Variants in CCDC180 observed in about 807,000 individuals in gnomAD.
The protein encoded by CCDC180 is coiled-coil domain containing 180.
CCDC180 carries 154 observed loss-of-function variants against 209.2 expected under a neutral mutation model. The ratio of observed to expected loss-of-function variants is 0.74; its 90% CI spans 0.65 to 0.84. The LOEUF (loss-of-function observed/expected upper bound fraction) is 0.84, where lower values mean the gene tolerates loss of function less well. Among genes scored for constraint, CCDC180 ranks in the 40% least tolerant of loss-of-function variants. CCDC180 has a pLI of 0.00. For missense variants in CCDC180, 1,874 were observed against 1,997.3 expected (o/e 0.94, Z 1.18); for synonymous variants, 778 against 749.1 (o/e 1.04, Z -0.63).
chr9:97,357,473 A>G (rs1403020972), intron 24 of CCDC180, among the ~76,000 whole-genome samples, 154 bp from the exon 25 acceptor site: 2 of 152,176 alleles, frequency 1.3e-5, no homozygotes, highest in Non-Finnish European at 2.9e-5. Context: ...AAATCTTTTT[A>G]ATTTGTATCA....
At position 97,376,944 on chromosome 9, in the gene CCDC180, G is replaced by C. The variant is rs1448738083; in HGVS notation, c.*50G>C. On this transcript the variant is annotated 3_prime_UTR_variant, in exon 37 of 37. Transcript: ENST00000529487. ...ACTTTCTTATACAGACTCCTTCCCT[G>C]TCCATCTACCTGCCTACCTACTTTC... 6.4e-7 allele frequency: 1 copy of C among 1,572,602 alleles called. No individual in the cohort carries two copies. The highest frequency in any genetic ancestry group is 1.3e-5 in the African/African-American group (1 of 74,138).
At chr9:97,338,553 A>C (rs1177158084) in intron 18 of CCDC180, among the ~76,000 whole-genome samples, 1 of 152,146 alleles carries the variant, frequency 6.6e-6, no homozygotes, top group East Asian at 1.9e-4. Context: ...CTGTTCTTTT[A>C]CATTTGCTGA....
chr9:97,374,376 G>A (rs559629525), intron 34 of CCDC180, 167 bp from the exon 35 acceptor site: 23 of 597,728 alleles, frequency 3.8e-5, no homozygotes, highest in Non-Finnish European at 6.5e-5. Flanking sequence ...ACCCCGAGCT[G>A]TGTGGCTGGT....
At chr9:97,330,297 G>T in intron 17 of CCDC180, 25 bp from the exon 18 acceptor site, 1 of 1,612,684 alleles carries the variant, frequency 6.2e-7, no homozygotes, top group Non-Finnish European at 8.5e-7. Context: ...GTCTCTCCTT[G>T]TGCTTTGGTG....
At chr9:97,361,120 T>A (rs1826738977) in intron 26 of CCDC180, among the ~76,000 whole-genome samples, 1 of 152,190 alleles carries the variant, frequency 6.6e-6, no homozygotes, top group Non-Finnish European at 1.5e-5. Flanking sequence ...CTCAAGGGAC[T>A]GACAGGCCAT....
intron 23 of CCDC180, 82 bp downstream of exon 23, chr9:97,354,795 T>TC: frequency 6.3e-7 from 1 of 1,589,720 alleles, no homozygotes; most frequent in East Asian, 2.2e-5. Context: ...GGCCAAGCCC[T>TC]CCATCCAACC....
In CCDC180 at chr9:97,349,184, G is replaced by C; in HGVS notation, c.2748G>C (p.Arg916=). Residue 916 remains arginine, a synonymous_variant, in exon 21 of 37, where the codon CGG becomes CGC. Transcript: ENST00000529487. ...AGVTETLKKK[R]LMFCQFQEEQ... is the part of the protein sequence containing the mutation. ...TGACCGAGACGCTGAAGAAGAAGCGGCTGATGTTCTGCCAGTTCCAAGAAG... is the reference window on the plus strand; with the variant it reads ...TGACCGAGACGCTGAAGAAGAAGCGCCTGATGTTCTGCCAGTTCCAAGAAG... The C allele has an allele frequency of 1.3e-6, 2 of 1,536,460 alleles. No homozygotes were observed.
rs1587795786 is a variant in CCDC180, at chr9:97,326,766, T to C, written c.1661+97T>C. 8.0e-6 allele frequency: 6 copies of C among 746,802 alleles called. No individual in the cohort carries two copies. In the East Asian group the frequency reaches 1.5e-4, roughly 19 times the overall value. 46.3% of individuals were successfully genotyped at this position (746,802 alleles called of 1,614,324 possible). On this transcript the variant is annotated intron_variant, in intron 15 of 36. Coordinates refer to ENST00000529487, the MANE Select transcript of CCDC180 (RefSeq NM_020893.6). ...CCCAAGAGCCCAGGAGCCTGCCAGCTTAAGATGAAAATTGTGCCTCTCACT... is the reference window on the plus strand; with the variant it reads ...CCCAAGAGCCCAGGAGCCTGCCAGCCTAAGATGAAAATTGTGCCTCTCACT...
intron 27 of CCDC180, 102 bp from the exon 28 acceptor site, chr9:97,362,094 C>A: frequency 6.7e-7 from 1 of 1,485,314 alleles, no homozygotes; most frequent in Non-Finnish European, 9.1e-7. Context: ...ACAGGACTGA[C>A]TGACGTGGCG....
intron 25 of CCDC180, among the ~76,000 whole-genome samples, chr9:97,359,672 AC>A (rs1302711798): frequency 2.6e-5 from 4 of 152,008 alleles, no homozygotes; most frequent in East Asian, 3.9e-4. Context: ...TCCCCATCTT[AC>A]AGATGGGGAG....
At chr9:97,371,557 C>A (rs1564178485) in intron 33 of CCDC180, 38 bp from the exon 34 acceptor site, 1 of 1,378,102 alleles carries the variant, frequency 7.3e-7, no homozygotes, top group Admixed American at 1.7e-5. Flanking sequence ...AGGGATGATC[C>A]TCTCCTAGCA....
intron 13 of CCDC180, among the ~76,000 whole-genome samples, chr9:97,324,806 G>T (rs1330407424): frequency 6.6e-6 from 1 of 152,222 alleles, no homozygotes; most frequent in Non-Finnish European, 1.5e-5. Flanking sequence ...TTGAGGGTCA[G>T]CAAGACCAAG....
chr9:97,362,168 G>T (rs1174839244), intron 27 of CCDC180, 28 bp from the exon 28 acceptor site: 4 of 1,597,644 alleles, frequency 2.5e-6, no homozygotes, highest in Non-Finnish European at 3.4e-6. Context: ...CACCGGAGAA[G>T]AGCTCACACC....
At chr9:97,364,526 G>A (rs1826865159) in intron 29 of CCDC180, 1 of 196,704 alleles carries the variant, frequency 5.1e-6, no homozygotes, top group African/African-American at 2.4e-5. Flanking sequence ...AAATTCCAAG[G>A]TCAGAAAACA....
At chr9:97,324,063 A>T in intron 13 of CCDC180, 160 bp downstream of exon 13, 1 of 784,526 alleles carries the variant, frequency 1.3e-6, no homozygotes, top group Non-Finnish European at 1.9e-6. Context: ...TACGCTGGCC[A>T]CTCCAAGCTC....
chr9:97,362,969 A>C (rs1374503011), intron 28 of CCDC180, among the ~76,000 whole-genome samples: 26 of 152,226 alleles, frequency 1.7e-4, no homozygotes, highest in Admixed American at 1.7e-3. Flanking sequence ...TGGGGAAAGA[A>C]ACAAAGACCA....
At position 97,349,252 on chromosome 9, in the gene CCDC180, A is replaced by G; in HGVS notation, c.2816A>G (p.Asp939Gly). The G allele has an allele frequency of 6.5e-7, 1 of 1,536,716 alleles. No homozygotes were observed. The highest frequency in any genetic ancestry group is 8.7e-7 in the Non-Finnish European group (1 of 1,147,044). Residue 939 changes from aspartate to glycine, a missense_variant, in exon 21 of 37, where the codon GAC becomes GGC. Transcript: ENST00000529487. ...RSKNFRLKIY[D>G]MEHIFLNATR... ...AAAAACTTCCGCCTTAAGATCTATG[A>G]CATGGAGCACATCTTCTTGAATGCC...
In CCDC180 at chr9:97,343,073, G is replaced by T. The variant is rs13300328; in HGVS notation, c.2275-267G>T. ...TGAAGACTGGTGCAGGCATTACTCA[G>T]CTCCAACTAAAGATGCCATGTGGGA... On this transcript the variant is annotated intron_variant, in intron 18 of 36. Coordinates refer to ENST00000529487, the MANE Select transcript of CCDC180 (RefSeq NM_020893.6). Among the ~76,000 whole-genome samples, 5 of 152,138 alleles carry T rather than the reference G, an allele frequency of 3.3e-5. No individual in the cohort carries two copies. The East Asian group carries it at 9.7e-4, about 29-fold the overall frequency.
chr9:97,313,809 G>C (rs981994147), intron 5 of CCDC180, among the ~76,000 whole-genome samples: 4 of 152,156 alleles, frequency 2.6e-5, no homozygotes, highest in Admixed American at 2.0e-4. Context: ...CACACACACT[G>C]GTGTCTGGAA....
Sources: allele counts gnomAD v4.1 joint callset (sites outside exome capture counted in the v4.1 genomes callset), GRCh38; gene constraint gnomAD v4.1.1; transcripts MANE v1.5; gene names NCBI Gene and HGNC (gene_info 2026-07-23, HGNC 2026-07-21).